Variants in CADM2 observed in about 807,000 individuals in gnomAD.
CADM2 encodes immunoglobulin superfamily member 4D.
CADM2 carries 12 observed loss-of-function variants against 49.8 expected under a neutral mutation model. The observed-to-expected ratio is 0.24, with a 90% CI of 0.15 to 0.39. The LOEUF (loss-of-function observed/expected upper bound fraction) is 0.39, where lower values mean the gene tolerates loss of function less well. Among genes scored for constraint, CADM2 ranks in the 10% least tolerant of loss-of-function variants. The pLI is 1.00. For missense variants in CADM2, 378 were observed against 492.3 expected (o/e 0.77, Z 2.20); for synonymous variants, 214 against 175.4 (o/e 1.22, Z -1.74).
rs368381005 is a variant in CADM2, at chr3:85,794,400, G to C, written c.89-7647G>C. On this transcript the variant is annotated intron_variant, in intron 2 of 9. Coordinates refer to ENST00000383699, the MANE Select transcript of CADM2 (RefSeq NM_001167675.2). ...TATTTACTATCCAATATGGTAAACAGTGTAGCTGATTAAAAGATAAGTAAG... is the reference window on the plus strand; with the variant it reads ...TATTTACTATCCAATATGGTAAACACTGTAGCTGATTAAAAGATAAGTAAG... 3.3e-5 allele frequency among the ~76,000 whole-genome samples: 5 copies of C among 152,260 alleles called. No homozygotes were observed. The South Asian group carries it at 8.3e-4, about 25-fold the overall frequency.
At position 85,859,538 on chromosome 3, in the gene CADM2, G is replaced by T. The variant is rs569083502; in HGVS notation, c.239-23753G>T. On this transcript the variant is annotated intron_variant, in intron 3 of 9. Transcript: ENST00000383699. ...TGAGCCACTGTGCCTGGCCCATCCT[G>T]TGCTTTTCTAAGTGATGTAATCATT... Among the ~76,000 whole-genome samples the T allele has an allele frequency of 9.2e-5, 14 of 152,168 alleles. No individual in the cohort carries two copies. The East Asian group carries it at 2.7e-3, about 29-fold the overall frequency.
At chr3:86,044,396 C>T (rs1478495733) in intron 8 of CADM2, among the ~76,000 whole-genome samples, 12 of 152,124 alleles carry the variant, frequency 7.9e-5, no homozygotes, top group East Asian at 3.9e-4. Context: ...AACAAGTGGA[C>T]GAAGGATATG....
chr3:85,469,627 C>A (rs909237208), intron 1 of CADM2, among the ~76,000 whole-genome samples: 4 of 152,124 alleles, frequency 2.6e-5, no homozygotes, highest in Non-Finnish European at 5.9e-5. Flanking sequence ...ATAGTCAAAA[C>A]CTATCAGATG....
At position 85,984,236 on chromosome 3, in the gene CADM2, A is replaced by AT. The variant is rs1292484853; in HGVS notation, c.970+22595dup. On this transcript the variant is annotated intron_variant, in intron 8 of 9. Coordinates refer to ENST00000383699, the MANE Select transcript of CADM2 (RefSeq NM_001167675.2). ...CATGTTACTTTTTTAGGTCATTGTG[A>AT]TTTTTTAATTAACTTAATATAGTCA... Among the ~76,000 whole-genome samples, 5 of 150,706 alleles carry AT rather than the reference A, an allele frequency of 3.3e-5. No homozygotes were observed. In the Admixed American group the frequency reaches 3.3e-4, roughly 10 times the overall value.
intron 1 of CADM2, among the ~76,000 whole-genome samples, chr3:85,026,539 G>A (rs2034736413): frequency 6.6e-6 from 1 of 152,008 alleles, no homozygotes; most frequent in East Asian, 1.9e-4. Context: ...TTTATATTTT[G>A]TCCAAATTGT....
At position 85,491,975 on chromosome 3, in the gene CADM2, C is replaced by T. The variant is rs114541602; in HGVS notation, c.62-234547C>T. Among the ~76,000 whole-genome samples, 525 of 150,278 alleles carry T rather than the reference C, an allele frequency of 3.5e-3. 2 individuals carry two copies. Among genetic ancestry groups the T allele is most frequent in the African/African-American group, 0.011 (473 of 41,160 alleles). On this transcript the variant is annotated intron_variant, in intron 1 of 9. Transcript: ENST00000383699. ...AAAAAAAAAAAAAGTTTCTTCTGTA[C>T]AACTCCAAGTTGTCTGTAAGGGAAA...
chr3:85,942,527 TC>T (rs1461570440), intron 7 of CADM2, among the ~76,000 whole-genome samples: 49 of 136,930 alleles, frequency 3.6e-4, no homozygotes, highest in Non-Finnish European at 6.7e-4. Flanking sequence ...ATATTCCCCT[TC>T]CTGTGTCCAT....
At chr3:85,803,689 T>C (rs2072215573) in intron 3 of CADM2, among the ~76,000 whole-genome samples, 1 of 152,152 alleles carries the variant, frequency 6.6e-6, no homozygotes, top group Non-Finnish European at 1.5e-5. Flanking sequence ...TCTTCTTCCT[T>C]AGGGTACTTA....
At chr3:85,784,034 TCACA>T (rs992497957) in intron 2 of CADM2, among the ~76,000 whole-genome samples, 10 of 151,828 alleles carry the variant, frequency 6.6e-5, no homozygotes, top group African/African-American at 2.4e-4. Context: ...GATCTCTCTC[TCACA>T]CACACACACA....
chr3:85,548,916 G>A (rs1456542999), intron 1 of CADM2, among the ~76,000 whole-genome samples: 2 of 152,184 alleles, frequency 1.3e-5, no homozygotes, highest in East Asian at 1.9e-4. Context: ...ATAGCCTTCT[G>A]TGGCATATCT....
At chr3:85,221,528 C>G (rs369581989) in intron 1 of CADM2, among the ~76,000 whole-genome samples, 1 of 152,008 alleles carries the variant, frequency 6.6e-6, no homozygotes, top group African/African-American at 2.4e-5. Flanking sequence ...ATTAGGTGAG[C>G]TAATAGTAGG....
intron 1 of CADM2, among the ~76,000 whole-genome samples, chr3:85,160,146 A>G (rs2040272387): frequency 1.3e-5 from 2 of 152,182 alleles, no homozygotes; most frequent in Admixed American, 1.3e-4. Flanking sequence ...AATATCACCT[A>G]TACTTTTAAT....
intron 1 of CADM2, among the ~76,000 whole-genome samples, chr3:85,468,940 G>T (rs2038645518): frequency 1.3e-5 from 2 of 152,172 alleles, no homozygotes; most frequent in African/African-American, 4.8e-5. Flanking sequence ...GATGTTGGTG[G>T]ATATGTATTT....
intron 2 of CADM2, among the ~76,000 whole-genome samples, chr3:85,729,589 T>C (rs1321788709): frequency 6.6e-6 from 1 of 152,160 alleles, no homozygotes; most frequent in Non-Finnish European, 1.5e-5. Flanking sequence ...TATGTAGATT[T>C]AATAAAATGA....
intron 1 of CADM2, among the ~76,000 whole-genome samples, chr3:85,603,004 C>T (rs1311318756): frequency 6.6e-6 from 1 of 151,798 alleles, no homozygotes; most frequent in African/African-American, 2.4e-5. Flanking sequence ...AAGCAAACCC[C>T]CTATGTACAC....
rs114104600 is a variant in CADM2 at position 85,402,205 on chromosome 3, G to A, written c.62-324317G>A. Among the ~76,000 whole-genome samples the A allele has an allele frequency of 9.0e-3, 1,363 of 151,964 alleles. 16 individuals carry two copies. The highest frequency in any genetic ancestry group is 0.03 in the African/African-American group (1,234 of 41,504). ...TTCTGTGAAGAATACTAACAGAAAAGCAAAAGAGAAACTACAAGACCTTAA... is the reference window on the plus strand; with the variant it reads ...TTCTGTGAAGAATACTAACAGAAAAACAAAAGAGAAACTACAAGACCTTAA... On this transcript the variant is annotated intron_variant, in intron 1 of 9. Coordinates refer to ENST00000383699, the MANE Select transcript of CADM2 (RefSeq NM_001167675.2).
chr3:85,040,753 G>A (rs1038831451), intron 1 of CADM2, among the ~76,000 whole-genome samples: 1 of 152,158 alleles, frequency 6.6e-6, no homozygotes, highest in Non-Finnish European at 1.5e-5. Context: ...CAGAAACAAA[G>A]TGATAAATTT....
intron 1 of CADM2, among the ~76,000 whole-genome samples, chr3:85,267,381 C>T (rs1325620020): frequency 6.6e-6 from 1 of 151,544 alleles, no homozygotes; most frequent in Non-Finnish European, 1.5e-5. Context: ...ATATTTTCTC[C>T]TCTCTCTTCC....
At chr3:85,969,211 T>C (rs757471105) in intron 8 of CADM2, among the ~76,000 whole-genome samples, 2 of 151,638 alleles carry the variant, frequency 1.3e-5, no homozygotes, top group Non-Finnish European at 2.9e-5. Context: ...TTCATCATCC[T>C]TAGTATAAAA....
Sources: gnomAD v4.1 joint callset for allele counts (sites outside exome capture counted in the v4.1 genomes callset) on GRCh38, gnomAD v4.1.1 for gene constraint, MANE v1.5 for transcripts, NCBI Gene and HGNC (gene_info 2026-07-23, HGNC 2026-07-21) for gene names.